Variants in FKBP5 observed in about 807,000 individuals in gnomAD.
FKBP5 encodes the protein FKBP prolyl isomerase 5, also known as peptidyl-prolyl cis-trans isomerase FKBP5.
Under a neutral mutation model 50.5 loss-of-function variants are expected in FKBP5, and 23 were observed. The observed-to-expected ratio is 0.46, with a 90% CI of 0.33 to 0.65. The LOEUF is 0.65. FKBP5 is among the 30% of genes least tolerant of loss of function. The probability of loss-of-function intolerance (pLI) is 0.02; values close to 1 mark genes in which losing one functional copy is unlikely to be tolerated. For missense variants in FKBP5, 411 were observed against 553.1 expected, an observed-to-expected ratio of 0.74 and a Z score of 2.58; for synonymous variants, 176 against 190.6, an observed-to-expected ratio of 0.92 and a Z score of 0.63.
intron 5 of FKBP5, among the ~76,000 whole-genome samples, chr6:35,602,229 G>T (rs1763168427): frequency 1.3e-5 from 2 of 152,134 alleles, no homozygotes; most frequent in African/African-American, 4.8e-5. Flanking sequence ...CATGCAATTT[G>T]TATTTTAGGA....
intron 1 of FKBP5, among the ~76,000 whole-genome samples, chr6:35,666,375 G>A (rs1186816475): frequency 7.0e-5 from 3 of 42,894 alleles, no homozygotes; most frequent in African/African-American, 2.7e-4. Flanking sequence ...AATACATGCA[G>A]AAACACTACT....
chr6:35,626,198 A>G (rs1763994177), intron 3 of FKBP5, among the ~76,000 whole-genome samples: 2 of 152,236 alleles, frequency 1.3e-5, no homozygotes, highest in Admixed American at 6.5e-5. Context: ...ATATATGTAT[A>G]CAAATGTATA....
At chr6:35,714,267 C>G (rs1309916173) in intron 2 of FKBP5, among the ~76,000 whole-genome samples, 1 of 143,018 alleles carries the variant, frequency 7.0e-6, no homozygotes. Flanking sequence ...GCCTGGCCAA[C>G]ATGGTGAAAC....
At chr6:35,593,680 G>A (rs112088730) in intron 6 of FKBP5, among the ~76,000 whole-genome samples, 4,310 of 152,048 alleles carry the variant, frequency 0.028, 183 homozygotes, top group African/African-American at 0.097. Flanking sequence ...TCAGCCTCCC[G>A]AGTAGCCGGA....
rs550351992 is a variant in FKBP5, at chr6:35,695,787, T to C, written c.-20+24541A>G. 1.4e-4 allele frequency among the ~76,000 whole-genome samples: 22 copies of C among 152,300 alleles called. 1 individual carries two copies. The South Asian group carries it at 3.7e-3, about 26-fold the overall frequency. Reference sequence around the variant, plus strand: ...TCAAAAAGAAGAAAATACATTTTATTGGAATACATTTAATGAAAGAAGTGT... The same window carrying C: ...TCAAAAAGAAGAAAATACATTTTATCGGAATACATTTAATGAAAGAAGTGT... On this transcript the variant is annotated intron_variant, in intron 2 of 11. Transcript: ENST00000536438.
In FKBP5 at chr6:35,645,746, A is replaced by G. The variant is rs187775916; in HGVS notation, c.-19-2903T>C. ...TCTGCCACTTGCTTTCAAATCATCC[A>G]AAGACAATGCTTTCTTTTGAATGTT... On this transcript the variant is annotated intron_variant, in intron 1 of 10. Coordinates refer to ENST00000357266, the MANE Select transcript of FKBP5 (RefSeq NM_004117.4). 8.3e-4 allele frequency among the ~76,000 whole-genome samples: 126 copies of G among 152,344 alleles called. 1 individual carries two copies. Among genetic ancestry groups the G allele is most frequent in the African/African-American group, 2.9e-3 (121 of 41,566 alleles).
At chr6:35,589,128 A>ATATATATATAT (rs1427010607) in intron 7 of FKBP5, among the ~76,000 whole-genome samples, 1 of 121,562 alleles carries the variant, frequency 8.2e-6, no homozygotes, top group Non-Finnish European at 1.7e-5. Context: ...ATATATATAT[A>ATATATATATAT]TTTTTTTTTT....
intron 3 of FKBP5, among the ~76,000 whole-genome samples, chr6:35,628,401 G>T (rs925386217): frequency 6.6e-6 from 1 of 152,076 alleles, no homozygotes; most frequent in Non-Finnish European, 1.5e-5. Flanking sequence ...GAGTAGAAAA[G>T]AACAAGAAAG....
intron 1 of FKBP5, among the ~76,000 whole-genome samples, chr6:35,683,815 G>C (rs1264545298): frequency 6.6e-6 from 1 of 151,922 alleles, no homozygotes; most frequent in Non-Finnish European, 1.5e-5. Context: ...ACTTTGGGAG[G>C]TCGAGGCAGG....
At chr6:35,590,532 T>A (rs1261365187) in intron 7 of FKBP5, among the ~76,000 whole-genome samples, 1 of 152,104 alleles carries the variant, frequency 6.6e-6, no homozygotes, top group Non-Finnish European at 1.5e-5. Context: ...CAAGGAGGCA[T>A]GCTGTTTCTG....
chr6:35,675,296 CCGGATTCTA>C (rs940047494), intron 1 of FKBP5, among the ~76,000 whole-genome samples: 11 of 152,180 alleles, frequency 7.2e-5, no homozygotes, highest in African/African-American at 2.2e-4. Flanking sequence ...GCCTGTAATC[CCGGATTCTA>C]CGGATTCTAC....
chr6:35,677,518 T>C (rs1031469640), intron 1 of FKBP5, among the ~76,000 whole-genome samples: 15 of 152,236 alleles, frequency 9.9e-5, no homozygotes, highest in African/African-American at 3.6e-4. Flanking sequence ...GTGTTATATA[T>C]ACTCGGTTCA....
chr6:35,574,169 A>G lies in FKBP5; in HGVS notation c.*1666T>C, dbSNP rs1762144485. Reference sequence around the variant, plus strand: ...AATTAGAGGGATTTTAGTTATCATTAAAGGAAAAAACTCACAAATTGATCC... The same window carrying G: ...AATTAGAGGGATTTTAGTTATCATTGAAGGAAAAAACTCACAAATTGATCC... On this transcript the variant is annotated 3_prime_UTR_variant, in exon 11 of 11. Transcript: ENST00000357266. 1 of 152,216 alleles carries G rather than the reference A, an allele frequency of 6.6e-6. No homozygotes were observed. The highest frequency in any genetic ancestry group is 2.1e-4 in the South Asian group (1 of 4,824). 9.4% of individuals were successfully genotyped at this position (152,216 alleles called of 1,614,324 possible).
intron 1 of FKBP5, among the ~76,000 whole-genome samples, chr6:35,671,246 A>T (rs1765378826): frequency 6.6e-6 from 1 of 151,742 alleles, no homozygotes; most frequent in African/African-American, 2.4e-5. Flanking sequence ...CCTGGGTAAG[A>T]GAGTGCAATC....
chr6:35,581,022 T>G (rs1344116526), intron 8 of FKBP5: 1 of 983,144 alleles, frequency 1.0e-6, no homozygotes. Flanking sequence ...ATTCTTATCA[T>G]TTGTAGTGCA....
intron 1 of FKBP5, among the ~76,000 whole-genome samples, chr6:35,728,147 C>T (rs1205407081): frequency 6.6e-6 from 1 of 152,208 alleles, no homozygotes; most frequent in Non-Finnish European, 1.5e-5. Flanking sequence ...GGCGGGCGGG[C>T]GAGCGCGAGC....
chr6:35,620,028 G>A, intron 4 of FKBP5, 104 bp downstream of exon 4: 1 of 1,389,488 alleles, frequency 7.2e-7, no homozygotes, highest in Non-Finnish European at 1.0e-6. Flanking sequence ...AGTTGGATCT[G>A]ATTCTCTATA....
chr6:35,578,514 A>C (rs1350898623), intron 9 of FKBP5, among the ~76,000 whole-genome samples: 1 of 152,216 alleles, frequency 6.6e-6, no homozygotes. Flanking sequence ...CACACCTGTA[A>C]TCCCAGCACT....
chr6:35,658,381 CAAA>C (rs777064065), intron 1 of FKBP5, among the ~76,000 whole-genome samples: 6 of 103,910 alleles, frequency 5.8e-5, no homozygotes, highest in Non-Finnish European at 2.0e-5. Context: ...GAGACTCCGT[CAAA>C]AAAAAAAAAA....
Sources: allele counts gnomAD v4.1 joint callset (sites outside exome capture counted in the v4.1 genomes callset), GRCh38; gene constraint gnomAD v4.1.1; transcripts MANE v1.5; gene names NCBI Gene and HGNC (gene_info 2026-07-23, HGNC 2026-07-21).